Variants in CPED1 observed in about 807,000 individuals in gnomAD.
The protein encoded by CPED1 is cadherin like and PC-esterase domain containing 1.
Under a neutral mutation model 128.2 loss-of-function variants are expected in CPED1, and 114 were observed. That is an observed-to-expected ratio of 0.89 (90% CI 0.76 to 1.04). The LOEUF is 1.04. CPED1 is among the 50% of genes least tolerant of loss of function. The pLI is 0.00. For synonymous variants in CPED1, 462 were observed against 426.7 expected, an observed-to-expected ratio of 1.08 and a Z score of -1.02; for missense variants, 1,211 against 1,207.1, an observed-to-expected ratio of 1.00 and a Z score of -0.05.
At chr7:120,990,807 T>C (rs1022629511) in intron 2 of CPED1, among the ~76,000 whole-genome samples, 5 of 152,324 alleles carry the variant, frequency 3.3e-5, no homozygotes, top group African/African-American at 1.2e-4. Context: ...TGAAGTAGAA[T>C]TTCTACTTGA....
chr7:120,992,889 T>C (rs2116729700), intron 2 of CPED1, among the ~76,000 whole-genome samples: 1 of 152,316 alleles, frequency 6.6e-6, no homozygotes, highest in East Asian at 1.9e-4. Flanking sequence ...CTGCACACTT[T>C]TACACATGGG....
intron 3 of CPED1, among the ~76,000 whole-genome samples, chr7:121,037,827 A>G (rs575219417): frequency 9.4e-4 from 143 of 152,168 alleles, no homozygotes; most frequent in African/African-American, 3.3e-3. Flanking sequence ...AGTGTTTTGT[A>G]GTTTTCCTTG....
chr7:121,117,088 T>A (rs1795264101), intron 7 of CPED1, among the ~76,000 whole-genome samples: 1 of 143,478 alleles, frequency 7.0e-6, no homozygotes, highest in African/African-American at 2.6e-5. Flanking sequence ...TATATATATA[T>A]ATATATATAT....
chr7:121,233,139 A>G (rs755942866), intron 16 of CPED1, among the ~76,000 whole-genome samples: 1 of 152,104 alleles, frequency 6.6e-6, no homozygotes, highest in Non-Finnish European at 1.5e-5. Context: ...AATTTTTTGA[A>G]TTGTGTACTA....
At chr7:121,158,362 C>T (rs1031629442) in intron 16 of CPED1, among the ~76,000 whole-genome samples, 7 of 152,160 alleles carry the variant, frequency 4.6e-5, no homozygotes, top group Non-Finnish European at 1.0e-4. Context: ...TCTGTGATCA[C>T]GATAACCCCA....
chr7:121,007,230 C>CT (rs147867549), intron 2 of CPED1, among the ~76,000 whole-genome samples: 28,250 of 115,322 alleles, frequency 0.24, 3,435 homozygotes, highest in East Asian at 0.43. Context: ...GTTCAGGTTG[C>CT]ATTTTTTTTT....
At chr7:121,030,910 C>G (rs1434609829) in intron 3 of CPED1, among the ~76,000 whole-genome samples, 1 of 152,162 alleles carries the variant, frequency 6.6e-6, no homozygotes, top group Non-Finnish European at 1.5e-5. Flanking sequence ...TAATCTATTT[C>G]TCACTTCTAG....
At chr7:121,090,579 T>G (rs10215156) in intron 5 of CPED1, among the ~76,000 whole-genome samples, 3,040 of 152,300 alleles carry the variant, frequency 0.02, 99 homozygotes, top group African/African-American at 0.069. Flanking sequence ...TACCTTTATG[T>G]GTTTGGCGTA....
chr7:121,118,924 G>C (rs1795317849), intron 7 of CPED1, among the ~76,000 whole-genome samples: 1 of 152,126 alleles, frequency 6.6e-6, no homozygotes, highest in South Asian at 2.1e-4. Context: ...CCGCCCCCAT[G>C]ACCCAAACAC....
Position 121,194,048 on chromosome 7 carries a change from A to ATT in CPED1, c.2056-42649_2056-42648dup, listed in dbSNP as rs68159246. ...TATATATATATATATATATATATAT[A>ATT]TTTTTTTTTTTTTTTTTTGAGACAG... On this transcript the variant is annotated intron_variant, in intron 16 of 22. Coordinates refer to ENST00000310396, the MANE Select transcript of CPED1 (RefSeq NM_024913.5). Among the ~76,000 whole-genome samples the ATT allele has an allele frequency of 7.8e-3, 371 of 47,428 alleles. 6 individuals are homozygous for ATT. Among genetic ancestry groups the ATT allele is most frequent in the East Asian group, 0.029 (40 of 1,366 alleles). 31.1% of individuals were successfully genotyped at this position (47,428 alleles called of 152,430 possible).
intron 5 of CPED1, among the ~76,000 whole-genome samples, chr7:121,096,225 G>T (rs1794695359): frequency 6.6e-6 from 1 of 152,038 alleles, no homozygotes; most frequent in African/African-American, 2.4e-5. Flanking sequence ...ATCATTTTTG[G>T]AGGAAGATCA....
intron 12 of CPED1, among the ~76,000 whole-genome samples, chr7:121,130,757 C>T (rs1041171093): frequency 6.6e-6 from 1 of 152,010 alleles, no homozygotes; most frequent in Non-Finnish European, 1.5e-5. Flanking sequence ...GTCTTTGTCA[C>T]AATTGATTCC....
At chr7:121,090,794 C>T (rs189918184) in intron 5 of CPED1, among the ~76,000 whole-genome samples, 5 of 151,970 alleles carry the variant, frequency 3.3e-5, no homozygotes, top group Middle Eastern at 3.4e-3. Flanking sequence ...ATTAAAAATA[C>T]AAAAATTAAC....
At position 121,074,341 on chromosome 7, in the gene CPED1, C is replaced by T. The variant is rs112858165; in HGVS notation, c.616+10028C>T. On this transcript the variant is annotated intron_variant, in intron 5 of 22. Coordinates refer to ENST00000310396, the MANE Select transcript of CPED1 (RefSeq NM_024913.5). ...CCTTGTTGTATAGCCAAAAGACTGGCAGCTGGCATTTATCTTTGCCCATCA... is the reference window on the plus strand; with the variant it reads ...CCTTGTTGTATAGCCAAAAGACTGGTAGCTGGCATTTATCTTTGCCCATCA... Among the ~76,000 whole-genome samples, 1,021 of 152,170 alleles carry T rather than the reference C, an allele frequency of 6.7e-3. 13 individuals are homozygous for T. The highest frequency in any genetic ancestry group is 0.022 in the African/African-American group (923 of 41,516).
intron 16 of CPED1, among the ~76,000 whole-genome samples, chr7:121,157,718 A>G (rs556450916): frequency 9.7e-4 from 148 of 152,320 alleles, no homozygotes; most frequent in Non-Finnish European, 1.6e-3. Flanking sequence ...TGAATCAGGT[A>G]TCAGACCCGC....
At chr7:121,207,663 T>G (rs2116583170) in intron 16 of CPED1, among the ~76,000 whole-genome samples, 1 of 152,204 alleles carries the variant, frequency 6.6e-6, no homozygotes, top group Non-Finnish European at 1.5e-5. Flanking sequence ...ACTTAAAACC[T>G]ATATTTATTC....
At chr7:121,256,132 A>AAAAAAAC (rs1791864576) in intron 18 of CPED1, among the ~76,000 whole-genome samples, 4 of 148,056 alleles carry the variant, frequency 2.7e-5, no homozygotes, top group African/African-American at 1.0e-4. Context: ...AACAAAACAA[A>AAAAAAAC]AAAAAAAAAC....
At chr7:121,275,009 T>C (rs1237248802) in intron 22 of CPED1, among the ~76,000 whole-genome samples, 1 of 152,146 alleles carries the variant, frequency 6.6e-6, no homozygotes, top group African/African-American at 2.4e-5. Context: ...AAAATTGTGT[T>C]AGAACCATAA....
At position 121,036,489 on chromosome 7, in the gene CPED1, G is replaced by GTATATA. The variant is rs144901835; in HGVS notation, c.434-10384_434-10379dup. ...GGTTGGGTAGTATTCCATGGTGTGTGTATATATATATATATATATTTTTTT... is the reference window on the plus strand; with the variant it reads ...GGTTGGGTAGTATTCCATGGTGTGTGTATATATATATATATATATATATATTTTTTT... On this transcript the variant is annotated intron_variant, in intron 3 of 22. Coordinates refer to ENST00000310396, the MANE Select transcript of CPED1 (RefSeq NM_024913.5). 1.6e-3 allele frequency among the ~76,000 whole-genome samples: 228 copies of GTATATA among 138,640 alleles called. 2 individuals carry two copies. The highest frequency in any genetic ancestry group is 3.6e-3 in the Middle Eastern group (1 of 278). 91.0% of individuals were successfully genotyped at this position (138,640 alleles called of 152,430 possible).
Sources: gnomAD v4.1 joint callset for allele counts (sites outside exome capture counted in the v4.1 genomes callset) on GRCh38, gnomAD v4.1.1 for gene constraint, MANE v1.5 for transcripts, NCBI Gene and HGNC (gene_info 2026-07-23, HGNC 2026-07-21) for gene names.